Variants in CLYBL observed in about 807,000 individuals in gnomAD.
CLYBL encodes citramalyl-CoA lyase, mitochondrial.
In CLYBL, 31 loss-of-function variants were observed where a neutral mutation model predicts 38.9. The ratio of observed to expected loss-of-function variants is 0.80; its 90% CI spans 0.60 to 1.08. The LOEUF (loss-of-function observed/expected upper bound fraction) is 1.08. Among genes scored for constraint, CLYBL ranks in the 50% least tolerant of loss-of-function variants. CLYBL has a pLI of 0.00. For synonymous variants in CLYBL, 171 were observed against 158.6 expected (o/e 1.08, Z -0.59); for missense variants, 434 against 411.6 (o/e 1.05, Z -0.47).
At chr13:99,647,687 T>G (rs1237981250) in intron 1 of CLYBL, among the ~76,000 whole-genome samples, 1 of 152,184 alleles carries the variant, frequency 6.6e-6, no homozygotes, top group Non-Finnish European at 1.5e-5. Flanking sequence ...AGAAGCATCT[T>G]AAGTCCTCTC....
intron 1 of CLYBL, among the ~76,000 whole-genome samples, chr13:99,660,359 C>T (rs2047511342): frequency 6.6e-6 from 1 of 152,132 alleles, no homozygotes; most frequent in African/African-American, 2.4e-5. Context: ...CCTCGGTTTC[C>T]ACTTTTAAAA....
At chr13:99,715,759 A>G (rs2139508891) in intron 1 of CLYBL, among the ~76,000 whole-genome samples, 1 of 152,282 alleles carries the variant, frequency 6.6e-6, no homozygotes, top group South Asian at 2.1e-4. Context: ...GTCCTGTGGT[A>G]GAAATAAGCT....
intron 1 of CLYBL, 98 bp from the exon 2 acceptor site, chr13:99,772,726 A>C (rs1594172805): frequency 2.0e-6 from 2 of 983,858 alleles, no homozygotes; most frequent in East Asian, 5.0e-5. Context: ...AAGATTATCC[A>C]TGTGTTCTAT....
At chr13:99,840,462 A>C (rs1594214370) in intron 2 of CLYBL, among the ~76,000 whole-genome samples, 1 of 152,010 alleles carries the variant, frequency 6.6e-6, no homozygotes, top group East Asian at 1.9e-4. Context: ...AAATAAATTT[A>C]ACAAAAACCA....
At chr13:99,692,235 G>A (rs1037382396) in intron 1 of CLYBL, among the ~76,000 whole-genome samples, 3 of 151,400 alleles carry the variant, frequency 2.0e-5, no homozygotes, top group Non-Finnish European at 4.4e-5. Flanking sequence ...AAAAATTGTC[G>A]CTTTATTGAG....
intron 1 of CLYBL, among the ~76,000 whole-genome samples, chr13:99,734,403 TA>T (rs147915900): frequency 0.022 from 3,105 of 143,858 alleles, 92 homozygotes; most frequent in African/African-American, 0.067. Flanking sequence ...AAATTGAGAT[TA>T]AAAAAAAAAA....
At chr13:99,610,315 C>CT in intron 1 of CLYBL, among the ~76,000 whole-genome samples, 1 of 152,142 alleles carries the variant, frequency 6.6e-6, no homozygotes, top group Admixed American at 6.5e-5. Context: ...GTACTGACTA[C>CT]TTTTTTCCTG....
chr13:99,809,689 G>C (rs1198241412), intron 2 of CLYBL, among the ~76,000 whole-genome samples: 3 of 152,246 alleles, frequency 2.0e-5, no homozygotes, highest in Non-Finnish European at 2.9e-5. Flanking sequence ...CATCGAGGGT[G>C]TGACGGCTGG....
intron 2 of CLYBL, among the ~76,000 whole-genome samples, chr13:99,853,144 A>G (rs1052179693): frequency 1.3e-5 from 2 of 151,800 alleles, no homozygotes; most frequent in African/African-American, 4.8e-5. Context: ...AATATTTTTA[A>G]TTGGTTGGAG....
chr13:99,733,168 C>T (rs1196323231), intron 1 of CLYBL, among the ~76,000 whole-genome samples: 1 of 152,026 alleles, frequency 6.6e-6, no homozygotes, highest in East Asian at 1.9e-4. Flanking sequence ...TCAAAGATTA[C>T]TCCCTGTTCA....
chr13:99,786,134 G>C (rs1158669013), intron 2 of CLYBL, among the ~76,000 whole-genome samples: 1 of 150,108 alleles, frequency 6.7e-6, no homozygotes, highest in Non-Finnish European at 1.5e-5. Context: ...TTCTATTTCT[G>C]CCAGACCTAT....
At chr13:99,740,815 C>A (rs1159434461) in intron 1 of CLYBL, among the ~76,000 whole-genome samples, 2 of 152,132 alleles carry the variant, frequency 1.3e-5, no homozygotes, top group African/African-American at 4.8e-5. Context: ...ACGGCGTGCA[C>A]ACAGCTGGAT....
chr13:99,727,943 C>T (rs764848638), intron 1 of CLYBL, among the ~76,000 whole-genome samples: 3 of 152,036 alleles, frequency 2.0e-5, no homozygotes, highest in African/African-American at 7.2e-5. Context: ...CCAGGCATGG[C>T]GGTGGGCTTC....
chr13:99,813,316 C>T (rs1191604926), intron 2 of CLYBL, among the ~76,000 whole-genome samples: 1 of 152,196 alleles, frequency 6.6e-6, no homozygotes, highest in Non-Finnish European at 1.5e-5. Flanking sequence ...CCCTTTCTGG[C>T]TTTCACGTTT....
At chr13:99,731,740 G>C (rs929092809) in intron 1 of CLYBL, among the ~76,000 whole-genome samples, 25 of 152,316 alleles carry the variant, frequency 1.6e-4, no homozygotes, top group African/African-American at 5.8e-4. Context: ...TGGGGAGGGA[G>C]GAAGGAAGGG....
At chr13:99,807,180 A>C (rs2050248395) in intron 2 of CLYBL, among the ~76,000 whole-genome samples, 1 of 152,096 alleles carries the variant, frequency 6.6e-6, no homozygotes, top group Non-Finnish European at 1.5e-5. Context: ...ACCACAACCC[A>C]CTGATTTCTC....
intron 1 of CLYBL, among the ~76,000 whole-genome samples, chr13:99,712,740 T>A (rs951493610): frequency 6.6e-6 from 1 of 152,208 alleles, no homozygotes; most frequent in African/African-American, 2.4e-5. Context: ...CTTTTGATTT[T>A]GTTTTTAAAG....
At chr13:99,672,911 G>A (rs901172681) in intron 1 of CLYBL, among the ~76,000 whole-genome samples, 3 of 152,150 alleles carry the variant, frequency 2.0e-5, no homozygotes, top group African/African-American at 7.2e-5. Context: ...GGGGAAGGGC[G>A]CATGGGATCT....
chr13:99,860,657 G>A (rs550529672), intron 3 of CLYBL, among the ~76,000 whole-genome samples: 3 of 152,134 alleles, frequency 2.0e-5, no homozygotes, highest in Non-Finnish European at 2.9e-5. Context: ...CCAGCCTTCC[G>A]CTATGGCTTC....
Sources: allele counts gnomAD v4.1 joint callset (sites outside exome capture counted in the v4.1 genomes callset), GRCh38; gene constraint gnomAD v4.1.1; transcripts MANE v1.5; gene names NCBI Gene and HGNC (gene_info 2026-07-23, HGNC 2026-07-21).